Variants in THSD4 observed in about 807,000 individuals in gnomAD.
THSD4 encodes thrombospondin type 1 domain containing 4.
In THSD4, 69 loss-of-function variants were observed where a neutral mutation model predicts 119.0. The ratio of observed to expected loss-of-function variants is 0.58; its 90% CI spans 0.48 to 0.71. THSD4 has a LOEUF of 0.71. THSD4 is among the 30% of genes least tolerant of loss of function. The probability of loss-of-function intolerance (pLI) is 0.00; values close to 1 mark genes in which losing one functional copy is unlikely to be tolerated. For missense variants in THSD4, 1,393 were observed against 1,391.1 expected (o/e 1.00, Z -0.02); for synonymous variants, 524 against 540.4 (o/e 0.97, Z 0.42).
At chr15:71,161,175 C>A (rs964153684) in intron 3 of THSD4, among the ~76,000 whole-genome samples, 3 of 152,048 alleles carry the variant, frequency 2.0e-5, no homozygotes, top group Non-Finnish European at 4.4e-5. Context: ...GACGTGTGAT[C>A]TAACCTGGGG....
At chr15:71,396,224 T>C (rs1028157120) in intron 6 of THSD4, among the ~76,000 whole-genome samples, 2 of 151,914 alleles carry the variant, frequency 1.3e-5, no homozygotes, top group African/African-American at 4.8e-5. Flanking sequence ...CCCACATATC[T>C]ATACCATATG....
intron 7 of THSD4, among the ~76,000 whole-genome samples, chr15:71,611,152 AC>A (rs1303320462): frequency 6.6e-6 from 1 of 152,236 alleles, no homozygotes; most frequent in Non-Finnish European, 1.5e-5. Flanking sequence ...ATGCCATTTT[AC>A]CAGTTTTGCA....
intron 7 of THSD4, among the ~76,000 whole-genome samples, chr15:71,608,082 G>T (rs1419691672): frequency 6.6e-6 from 1 of 151,858 alleles, no homozygotes; most frequent in East Asian, 1.9e-4. Context: ...AATTAGCGGG[G>T]CGTGGTGGCA....
chr15:71,343,832 C>T (rs1427177027), intron 6 of THSD4, among the ~76,000 whole-genome samples: 1 of 151,230 alleles, frequency 6.6e-6, no homozygotes, highest in Non-Finnish European at 1.5e-5. Flanking sequence ...CCTACCTCAG[C>T]GTCCTGAGCA....
chr15:71,771,930 A>C (rs1387637508), intron 17 of THSD4, among the ~76,000 whole-genome samples: 1 of 152,198 alleles, frequency 6.6e-6, no homozygotes, highest in Non-Finnish European at 1.5e-5. Context: ...AGAAAACCAA[A>C]GAAGGCACCT....
intron 1 of THSD4, among the ~76,000 whole-genome samples, chr15:71,130,437 T>C (rs1361144167): frequency 6.6e-6 from 1 of 152,124 alleles, no homozygotes; most frequent in Non-Finnish European, 1.5e-5. Context: ...TTCTCAACCT[T>C]GGCCTCCCGA....
intron 3 of THSD4, among the ~76,000 whole-genome samples, chr15:71,214,820 G>T (rs941540423): frequency 5.9e-5 from 9 of 152,196 alleles, no homozygotes; most frequent in Non-Finnish European, 8.8e-5. Flanking sequence ...AGCCAGGGCC[G>T]CATTATGACT....
intron 5 of THSD4, among the ~76,000 whole-genome samples, chr15:71,245,156 G>A (rs1330875406): frequency 6.6e-6 from 1 of 152,146 alleles, no homozygotes; most frequent in Non-Finnish European, 1.5e-5. Context: ...GCAAAATAAA[G>A]CCTCCAACCC....
intron 3 of THSD4, among the ~76,000 whole-genome samples, chr15:71,207,940 C>T (rs935115091): frequency 6.6e-6 from 1 of 152,082 alleles, no homozygotes. Context: ...CTAACATAAG[C>T]GATAAGGAAT....
rs568665144 is a variant in THSD4, at chr15:71,206,213, C to T, written c.100-8822C>T. On this transcript the variant is annotated intron_variant, in intron 3 of 17. Transcript: ENST00000261862. ...TTTTAGCAGAGACGGGGTTTCACCA[C>T]GTTGGCCAGGCTAGTCTTGAACTCC... Among the ~76,000 whole-genome samples the T allele has an allele frequency of 3.9e-5, 6 of 152,240 alleles. No homozygotes were observed. In the South Asian group the frequency reaches 8.3e-4, roughly 21 times the overall value.
At chr15:71,220,536 A>C (rs1180439726) in intron 4 of THSD4, among the ~76,000 whole-genome samples, 1 of 152,196 alleles carries the variant, frequency 6.6e-6, no homozygotes, top group East Asian at 1.9e-4. Flanking sequence ...TTGTTGAATA[A>C]TTCAATGAAA....
chr15:71,489,546 G>A (rs1003978274), intron 7 of THSD4, among the ~76,000 whole-genome samples: 1 of 152,086 alleles, frequency 6.6e-6, no homozygotes. Flanking sequence ...TCACACTCCA[G>A]AAGTGCATTA....
At chr15:71,510,306 T>A (rs1017948199) in intron 7 of THSD4, among the ~76,000 whole-genome samples, 6 of 152,162 alleles carry the variant, frequency 3.9e-5, no homozygotes, top group Admixed American at 6.5e-5. Flanking sequence ...TATTTTGTAT[T>A]TATTGAGTGC....
chr15:71,299,502 T>C (rs2044914717), intron 6 of THSD4, among the ~76,000 whole-genome samples: 1 of 152,200 alleles, frequency 6.6e-6, no homozygotes, highest in South Asian at 2.1e-4. Flanking sequence ...CTCACTTGTA[T>C]GTGAAATCTA....
chr15:71,471,558 T>G (rs1412424626), intron 7 of THSD4, among the ~76,000 whole-genome samples: 1 of 151,708 alleles, frequency 6.6e-6, no homozygotes, highest in Non-Finnish European at 1.5e-5. Context: ...TGTCACTCAG[T>G]CAGATGTTTG....
intron 3 of THSD4, chr15:71,184,037 G>A (rs2043568815): frequency 6.6e-6 from 1 of 151,828 alleles, no homozygotes; most frequent in African/African-American, 2.4e-5. Context: ...GTGGCTGCTG[G>A]TTACATGTTG....
chr15:71,382,306 G>A (rs770554269), intron 6 of THSD4, among the ~76,000 whole-genome samples: 5 of 152,128 alleles, frequency 3.3e-5, no homozygotes, highest in South Asian at 2.1e-4. Context: ...CCTATTAAGA[G>A]CAGAAGCCAA....
intron 7 of THSD4, among the ~76,000 whole-genome samples, chr15:71,560,700 C>T (rs1834416892): frequency 6.6e-6 from 1 of 152,150 alleles, no homozygotes; most frequent in African/African-American, 2.4e-5. Flanking sequence ...TTTCTTTTCT[C>T]TGTGTGGGTA....
At chr15:71,532,283 A>AGAGAGAGAGAGAGAGAGAGAGAGAGAGT (rs1379506089) in intron 7 of THSD4, among the ~76,000 whole-genome samples, 30 of 101,638 alleles carry the variant, frequency 3.0e-4, no homozygotes, top group Admixed American at 9.9e-4. Context: ...AGAGAGAGAG[A>AGAGAGAGAGAGAGAGAGAGAGAGAGAGT]GTGTGTGTGT....
Sources: gnomAD v4.1 joint callset for allele counts (sites outside exome capture counted in the v4.1 genomes callset) on GRCh38, gnomAD v4.1.1 for gene constraint, MANE v1.5 for transcripts, NCBI Gene and HGNC (gene_info 2026-07-23, HGNC 2026-07-21) for gene names.